DPH1: variants seen among roughly 807,000 people sequenced by gnomAD.
DPH1 encodes diphthamide biosynthesis 1, also known as 2-(3-amino-3-carboxypropyl)histidine synthase subunit 1.
In DPH1, 59 loss-of-function variants were observed where a neutral mutation model predicts 55.3. That is an observed-to-expected ratio of 1.07 (90% CI 0.87 to 1.33). The LOEUF (loss-of-function observed/expected upper bound fraction) is 1.33. Among genes scored for constraint, DPH1 ranks in the 40% most tolerant of loss-of-function variants. DPH1 has a pLI of 0.00. For synonymous variants in DPH1, 238 were observed against 235.5 expected (o/e 1.01, Z -0.10); for missense variants, 628 against 584.8 (o/e 1.07, Z -0.76).
In DPH1 at chr17:2,038,514, G is replaced by A. The variant is rs145551150; in HGVS notation, c.681-1241G>A. ...GAAGGTGAGGGGTGGGCCAGCCAGC[G>A]TGACCACCTGAGCTCCGCCTCCTGT... On this transcript the variant is annotated intron_variant, in intron 6 of 12. Coordinates refer to ENST00000263083, the MANE Select transcript of DPH1 (RefSeq NM_001383.6). 3.9e-5 allele frequency among the ~76,000 whole-genome samples: 6 copies of A among 152,246 alleles called. No homozygotes were observed. In the East Asian group the frequency reaches 7.7e-4, roughly 20 times the overall value.
rs754680419 is a variant in DPH1 at position 2,030,156 on chromosome 17, T to C, written c.-14T>C. 1.2e-6 allele frequency: 2 copies of C among 1,601,558 alleles called. No homozygotes were observed. Among genetic ancestry groups the C allele is most frequent in the South Asian group, 1.1e-5 (1 of 88,446 alleles). On this transcript the variant is annotated 5_prime_UTR_variant, in exon 1 of 13. An upstream start codon of the reference 5' UTR is lost. Coordinates refer to ENST00000263083, the MANE Select transcript of DPH1 (RefSeq NM_001383.6). ...CCAGCGCTGTCTTTTTAGTACCACATGCGCAGGCAGGTGATGGCGGCGCTG... is the reference window on the plus strand; with the variant it reads ...CCAGCGCTGTCTTTTTAGTACCACACGCGCAGGCAGGTGATGGCGGCGCTG...
chr17:2,036,199 G>T lies in DPH1; in HGVS notation c.400+108G>T, dbSNP rs956924777. The T allele has an allele frequency of 2.7e-6, 4 of 1,502,940 alleles. No individual in the cohort carries two copies. The highest frequency in any genetic ancestry group is 3.6e-6 in the Non-Finnish European group (4 of 1,123,860). The allele number at this position is 1,502,940 out of a possible 1,614,324, so 93.1% of individuals were successfully genotyped here. On this transcript the variant is annotated intron_variant, in intron 4 of 12. Transcript: ENST00000263083. This position sits in a 1 kb window ranked among gnomAD's most constrained non-coding sequence, Gnocchi z 4.8. ...TTCTTGTCCTGCTTGGAGACACAAGGTCCCTCCTGGTTTCTGGGGTGGCCT... is the reference window on the plus strand; with the variant it reads ...TTCTTGTCCTGCTTGGAGACACAAGTTCCCTCCTGGTTTCTGGGGTGGCCT...
Position 2,041,864 on chromosome 17 carries a change from C to G in DPH1, c.*7C>G, listed in dbSNP as rs980846499. 3.2e-6 allele frequency: 5 copies of G among 1,586,692 alleles called. No individual in the cohort carries two copies. Among genetic ancestry groups the G allele is most frequent in the Non-Finnish European group, 3.4e-6 (4 of 1,169,706 alleles). ...GGCGCCGCTGGCTCCTTGACGCGCT[C>G]CCGGGCCTCAGGTATCAGCCCCCGC... On this transcript the variant is annotated 3_prime_UTR_variant, in exon 12 of 13. Coordinates refer to ENST00000263083, the MANE Select transcript of DPH1 (RefSeq NM_001383.6).
intron 9 of DPH1, 150 bp from the exon 10 acceptor site, chr17:2,040,953 T>C: frequency 1.3e-6 from 1 of 785,952 alleles, no homozygotes; most frequent in Non-Finnish European, 2.1e-6. Flanking sequence ...CAATACAGTA[T>C]TCCAAACAGC....
In DPH1 at chr17:2,036,004, G is replaced by A. The variant is rs769642605; in HGVS notation, c.313G>A (p.Val105Met). ...TEAEVMVMGD[V>M]TYGACCVDDF... ...GGCCGAAGTGATGGTGATGGGTGAC[G>A]TGACCTACGGGGCTTGCTGTGTGGA... is the stretch of plus-strand genomic sequence containing the variant. Residue 105 changes from valine (V) to methionine (M), a missense_variant, in exon 4 of 13, where the codon GTG (valine) becomes ATG (methionine). Coordinates refer to ENST00000263083, the MANE Select transcript of DPH1 (RefSeq NM_001383.6). This position sits in a 1 kb window ranked among gnomAD's most constrained non-coding sequence, Gnocchi z 4.8. 7.4e-6 allele frequency: 12 copies of A among 1,613,868 alleles called. No individual in the cohort carries two copies. Among genetic ancestry groups the A allele is most frequent in the South Asian group, 4.4e-5 (4 of 91,086 alleles).
intron 7 of DPH1, 131 bp from the exon 8 acceptor site, chr17:2,040,087 C>G (rs1185202953): frequency 3.0e-6 from 4 of 1,336,604 alleles, no homozygotes; most frequent in South Asian, 1.3e-5. Flanking sequence ...AGTCCCCGCT[C>G]TTGCCTCTGT....
intron 6 of DPH1, among the ~76,000 whole-genome samples, chr17:2,038,147 CAAAAAAAA>C (rs201391773): frequency 2.3e-4 from 25 of 108,750 alleles, no homozygotes; most frequent in South Asian, 6.2e-4. Context: ...CTGTTCTCTC[CAAAAAAAA>C]AAAAAAAAAA....
intron 9 of DPH1, chr17:2,040,897 C>A: frequency 1.5e-6 from 1 of 654,802 alleles, no homozygotes; most frequent in Non-Finnish European, 2.7e-6. Flanking sequence ...AGTGAGCTGC[C>A]CTGGAAAGCT....
intron 9 of DPH1, 101 bp from the exon 10 acceptor site, chr17:2,041,002 G>T: frequency 4.4e-6 from 5 of 1,125,384 alleles, no homozygotes; most frequent in Non-Finnish European, 6.6e-6. Context: ...CATAAAGCCT[G>T]TTAATGAATG....
Position 2,036,397 on chromosome 17 carries a change from C to A in DPH1, c.401-132C>A. 8.1e-7 allele frequency: 1 copy of A among 1,236,006 alleles called. No homozygotes were observed. Among genetic ancestry groups the A allele is most frequent in the Non-Finnish European group, 1.1e-6 (1 of 882,894 alleles). The allele number at this position is 1,236,006 out of a possible 1,614,324, so 76.6% of individuals were successfully genotyped here. On this transcript the variant is annotated intron_variant, in intron 4 of 12. Coordinates refer to ENST00000263083, the MANE Select transcript of DPH1 (RefSeq NM_001383.6). This position sits in a 1 kb window ranked among gnomAD's most constrained non-coding sequence, Gnocchi z 4.8. ...GAGCTTCTAGGGGATCTGTGACCCC[C>A]CTCTTCTCCTACCCTGTCCTTTTAC...
At chr17:2,040,701 A>C in intron 9 of DPH1, 96 bp downstream of exon 9, 2 of 1,390,464 alleles carry the variant, frequency 1.4e-6, no homozygotes, top group Admixed American at 1.8e-5. Context: ...AATTGCTTCC[A>C]TGGTCATGGA....
Position 2,036,873 on chromosome 17 carries a change from T to C in DPH1, c.597T>C (p.Ser199=). The change falls in exon 6 of 13, where the codon AGT becomes AGC. Residue 199 remains serine (S), a synonymous_variant. Transcript: ENST00000263083. The surrounding 1 kb of genome is among the most constrained non-coding windows in gnomAD (Gnocchi z 4.8). ...AQELKAEYRV[S]VPQCKPLSPG... ...AGCTGAAAGCCGAGTATCGTGTGAG[T>C]GTCCCACAGTGCAAGCCCCTGTCCC... 6.2e-7 allele frequency: 1 copy of C among 1,613,612 alleles called. No individual in the cohort carries two copies.
rs1207298762 is a variant in DPH1, at chr17:2,042,766, C to T, written c.*180C>T. 2.5e-6 allele frequency: 4 copies of T among 1,608,532 alleles called. No individual in the cohort carries two copies. The highest frequency in any genetic ancestry group is 3.4e-6 in the Non-Finnish European group (4 of 1,177,846). ...CAGGCTGGGGCCTTTTGACGGCCTT[C>T]TTGGTTTCAGCCAAGGGGCTGCGCT... On this transcript the variant is annotated 3_prime_UTR_variant, in exon 13 of 13. Transcript: ENST00000263083.
chr17:2,043,167 GCCCTCCCAGGACCCTC>G lies in DPH1; in HGVS notation c.*583_*598del, dbSNP rs2067578050. 3.9e-6 allele frequency: 6 copies of G among 1,550,738 alleles called. No homozygotes were observed. The highest frequency in any genetic ancestry group is 4.4e-6 in the Non-Finnish European group (5 of 1,143,512). ...TCTAGGGGCAGCCTCCGTCATCCAT[GCCCTCCCAGGACCCTC>G]CACTCACTGCTGTGAGTGCGCCTCA... On this transcript the variant is annotated 3_prime_UTR_variant, in exon 13 of 13. Coordinates refer to ENST00000263083, the MANE Select transcript of DPH1 (RefSeq NM_001383.6).
Position 2,036,979 on chromosome 17 carries a change from G to A in DPH1, c.680+23G>A. 1 of 1,608,718 alleles carries A rather than the reference G, an allele frequency of 6.2e-7. No homozygotes were observed. Among genetic ancestry groups the A allele is most frequent in the South Asian group, 1.1e-5 (1 of 90,294 alleles). On this transcript the variant is annotated intron_variant, in intron 6 of 12. Coordinates refer to ENST00000263083, the MANE Select transcript of DPH1 (RefSeq NM_001383.6). This position sits in a 1 kb window ranked among gnomAD's most constrained non-coding sequence, Gnocchi z 4.8. The stretch of plus-strand genomic sequence containing the variant: ...TGTGTAAGTTAAAAATGGGGGCCAA[G>A]TAAGTCCTAGAGACATGCGTGTACC...
intron 1 of DPH1, among the ~76,000 whole-genome samples, chr17:2,032,359 GA>G (rs1384612402): frequency 6.6e-6 from 1 of 152,266 alleles, no homozygotes; most frequent in Middle Eastern, 3.4e-3. Context: ...CTGTTCTCCT[GA>G]GGAAGAAGGT....
intron 6 of DPH1, 168 bp downstream of exon 6, chr17:2,037,124 T>C: frequency 9.9e-7 from 1 of 1,009,830 alleles, no homozygotes; most frequent in Non-Finnish European, 1.4e-6. Context: ...TCAGGTTTAC[T>C]GTCGCTTTCT....
chr17:2,041,034 T>C, intron 9 of DPH1, 69 bp from the exon 10 acceptor site: 1 of 1,471,104 alleles, frequency 6.8e-7, no homozygotes, highest in Non-Finnish European at 9.3e-7. Context: ...GGCACTGTCA[T>C]GTTCTTCAGC....
rs1270597916 is a variant in DPH1, at chr17:2,036,885, C to G, written c.609C>G (p.Cys203Trp). 6.2e-7 allele frequency: 1 copy of G among 1,613,860 alleles called. No homozygotes were observed. The change falls in exon 6 of 13, where the codon TGC becomes TGG. Residue 203 changes from cysteine to tryptophan, a missense_variant. Coordinates refer to ENST00000263083, the MANE Select transcript of DPH1 (RefSeq NM_001383.6). This position sits in a 1 kb window ranked among gnomAD's most constrained non-coding sequence, Gnocchi z 4.8. ...KAEYRVSVPQCKPLSPGEILG... is the reference protein window; with the variant it reads ...KAEYRVSVPQWKPLSPGEILG... Reference sequence around the variant, plus strand: ...AGTATCGTGTGAGTGTCCCACAGTGCAAGCCCCTGTCCCCTGGAGAGATCC... The same window carrying G: ...AGTATCGTGTGAGTGTCCCACAGTGGAAGCCCCTGTCCCCTGGAGAGATCC...
Sources: gnomAD v4.1 joint callset for allele counts (sites outside exome capture counted in the v4.1 genomes callset) on GRCh38, gnomAD v4.1.1 for gene constraint, Gnocchi (gnomAD v3.1) non-coding constraint, MANE v1.5 for transcripts, NCBI Gene and HGNC (gene_info 2026-07-23, HGNC 2026-07-21) for gene names.